EBF3: variants seen among roughly 807,000 people sequenced by gnomAD.
EBF3 encodes EBF transcription factor 3.
In EBF3, 18 loss-of-function variants were observed where a neutral mutation model predicts 77.1. That is an observed-to-expected ratio of 0.23 (90% CI 0.16 to 0.35). The LOEUF is 0.35. Ranked by LOEUF, EBF3 falls within the 10% of genes least tolerant of loss-of-function variation. The pLI is 1.00. For synonymous variants in EBF3, 350 were observed against 343.5 expected (o/e 1.02, Z -0.21); for missense variants, 558 against 860.0 (o/e 0.65, Z 4.39).
intron 6 of EBF3, among the ~76,000 whole-genome samples, chr10:129,884,049 G>C (rs1324088246): frequency 6.6e-6 from 1 of 152,182 alleles, no homozygotes; most frequent in Admixed American, 6.5e-5. Context: ...AAATAGTTAA[G>C]AGTCAAATTA....
At position 129,955,212 on chromosome 10, in the gene EBF3, T is replaced by G. The variant is rs1858950304; in HGVS notation, c.554+2046A>C. ...AAGAATGCTAAAAATGTACATTGTA[T>G]TTGTCATTTCATAAAACTACCCTCA... On this transcript the variant is annotated intron_variant, in intron 6 of 16. Transcript: ENST00000440978. 2.0e-5 allele frequency among the ~76,000 whole-genome samples: 3 copies of G among 152,218 alleles called. No homozygotes were observed. In the South Asian group the frequency reaches 6.2e-4, roughly 31 times the overall value.
chr10:129,861,535 G>C lies in EBF3; in HGVS notation c.1039+5606C>G, dbSNP rs890150303. On this transcript the variant is annotated intron_variant, in intron 10 of 16. Transcript: ENST00000440978. The surrounding 1 kb of genome is among the most constrained non-coding windows in gnomAD (Gnocchi z 4.3). ...ATAGAAAAGCAAAGGTGCCTGGAGG[G>C]TGTCTATTCTTGGGGGGTTCACTGG... is the stretch of plus-strand genomic sequence containing the variant. 2.7e-5 allele frequency among the ~76,000 whole-genome samples: 4 copies of C among 149,514 alleles called. No homozygotes were observed. Among genetic ancestry groups the C allele is most frequent in the African/African-American group, 9.8e-5 (4 of 40,756 alleles).
chr10:129,953,878 G>A (rs968542408), intron 6 of EBF3, among the ~76,000 whole-genome samples: 1 of 152,234 alleles, frequency 6.6e-6, no homozygotes, highest in African/African-American at 2.4e-5. Context: ...TGTTGGCTTA[G>A]CAGCTACACC....
chr10:129,868,017 C>T lies in EBF3; in HGVS notation c.782-105G>A, dbSNP rs746192821. 2.5e-5 allele frequency: 38 copies of T among 1,495,618 alleles called. No individual in the cohort carries two copies. The East Asian group carries it at 5.8e-4, about 23-fold the overall frequency. The allele number at this position is 1,495,618 out of a possible 1,614,324, so 92.6% of individuals were successfully genotyped here. ...CGCGGCCACCGCGGGAGGAGAGGCGCGCCGTTCCTCCAGGCGGCACGCAAA... is the reference window on the plus strand; with the variant it reads ...CGCGGCCACCGCGGGAGGAGAGGCGTGCCGTTCCTCCAGGCGGCACGCAAA... On this transcript the variant is annotated intron_variant, in intron 8 of 16. Coordinates refer to ENST00000440978, the MANE Select transcript of EBF3 (RefSeq NM_001375380.1).
At chr10:129,840,571 G>T in intron 14 of EBF3, 129 bp from the exon 15 acceptor site, 1 of 1,097,534 alleles carries the variant, frequency 9.1e-7, no homozygotes, top group Non-Finnish European at 1.3e-6. Context: ...GTCTGGCTCG[G>T]CCACGCTCTG....
intron 6 of EBF3, among the ~76,000 whole-genome samples, chr10:129,925,085 CGTGTGT>C (rs34706080): frequency 0.16 from 24,273 of 151,248 alleles, 3,130 homozygotes; most frequent in African/African-American, 0.36. Context: ...TGTGTGCACG[CGTGTGT>C]GTGTGTGTGT....
intron 6 of EBF3, among the ~76,000 whole-genome samples, chr10:129,900,871 G>T (rs1471788194): frequency 6.6e-6 from 1 of 152,226 alleles, no homozygotes; most frequent in Non-Finnish European, 1.5e-5. Flanking sequence ...CTGAGTTCAT[G>T]AAGGTCCCAG....
rs533093493 is a variant in EBF3, at chr10:129,885,063, C to T, written c.555-7214G>A. Among the ~76,000 whole-genome samples the T allele has an allele frequency of 1.3e-5, 2 of 152,280 alleles. No homozygotes were observed. The highest frequency in any genetic ancestry group is 4.8e-5 in the African/African-American group (2 of 41,560). On this transcript the variant is annotated intron_variant, in intron 6 of 16. Transcript: ENST00000440978. The surrounding 1 kb of genome is among the most constrained non-coding windows in gnomAD (Gnocchi z 4.0). ...AGCCTAGAGCCACACTAGGCCCCAC[C>T]GTCCCTCCAAAGAGCCTTATCGCTA...
At chr10:129,837,984 G>C in intron 16 of EBF3, 24 bp from the exon 17 acceptor site, 1 of 1,613,934 alleles carries the variant, frequency 6.2e-7, no homozygotes, top group Non-Finnish European at 8.5e-7. Flanking sequence ...GGACAGAGCA[G>C]TTACTGCAGG....
chr10:129,959,117 G>T (rs1397011659), intron 4 of EBF3, 110 bp from the exon 5 acceptor site: 6 of 1,340,292 alleles, frequency 4.5e-6, no homozygotes, highest in Non-Finnish European at 6.2e-6. Flanking sequence ...ACGCTCGAGG[G>T]GAGGCGATGC....
chr10:129,842,255 C>G lies in EBF3; in HGVS notation c.1233G>C (p.Ala411=), dbSNP rs773075779. 1 of 1,610,994 alleles carries G rather than the reference C, an allele frequency of 6.2e-7. No homozygotes were observed. The highest frequency in any genetic ancestry group is 8.5e-7 in the Non-Finnish European group (1 of 1,178,448). Residue 411 remains alanine (A), a synonymous_variant, in exon 13 of 17, where the codon GCG becomes GCC. Transcript: ENST00000440978. This position sits in a 1 kb window ranked among gnomAD's most constrained non-coding sequence, Gnocchi z 4.4. ...TGTGATTGCGGGGAACGCTGTACAG[C>G]GCCTCGGCGATGTCCGCCGCTCGCT... ...ILKRAADIAE[A]LYSVPRNHNQ...
In EBF3 at chr10:129,865,194, AC is replaced by A. The variant is rs369565077; in HGVS notation, c.1039+1946del. Among the ~76,000 whole-genome samples, 80 of 151,506 alleles carry A rather than the reference AC, an allele frequency of 5.3e-4. 3 individuals are homozygous for A. The highest frequency in any genetic ancestry group is 1.8e-3 in the African/African-American group (74 of 41,282). ...ACACACCGGCAAGGTGCCAGAAAGG[AC>A]CCCCCAGCCCACGGTGGGATTCTGA... On this transcript the variant is annotated intron_variant, in intron 10 of 16. Coordinates refer to ENST00000440978, the MANE Select transcript of EBF3 (RefSeq NM_001375380.1).
chr10:129,953,658 T>A (rs1468796674), intron 6 of EBF3, among the ~76,000 whole-genome samples: 1 of 152,214 alleles, frequency 6.6e-6, no homozygotes, highest in Non-Finnish European at 1.5e-5. Context: ...CCCCTGCGTG[T>A]GCCCGGCCTG....
chr10:129,948,660 T>G (rs965001237), intron 6 of EBF3, among the ~76,000 whole-genome samples: 10 of 152,172 alleles, frequency 6.6e-5, no homozygotes, highest in African/African-American at 2.4e-4. Context: ...GGGAACTCAG[T>G]ACTCTCTGGT....
rs185876340 is a variant in EBF3, at chr10:129,847,300, A to G, written c.1128+1092T>C. 3.2e-3 allele frequency among the ~76,000 whole-genome samples: 488 copies of G among 152,256 alleles called. 2 individuals carry two copies. Among genetic ancestry groups the G allele is most frequent in the African/African-American group, 0.01 (423 of 41,564 alleles). ...ATCCTGCACACAAAGCCAGCCCTAG[A>G]TGGAGGCTGGCAGCAAAGCCCTCTG... is the stretch of plus-strand genomic sequence containing the variant. On this transcript the variant is annotated intron_variant, in intron 11 of 16. Coordinates refer to ENST00000440978, the MANE Select transcript of EBF3 (RefSeq NM_001375380.1).
At chr10:129,839,639 C>T (rs550056848) in intron 15 of EBF3, among the ~76,000 whole-genome samples, 29 of 152,344 alleles carry the variant, frequency 1.9e-4, no homozygotes, top group African/African-American at 6.5e-4. Flanking sequence ...TGGGTCTAGA[C>T]GCACACCTCT....
At chr10:129,922,842 G>T (rs918425404) in intron 6 of EBF3, among the ~76,000 whole-genome samples, 1 of 152,216 alleles carries the variant, frequency 6.6e-6, no homozygotes, top group Non-Finnish European at 1.5e-5. Context: ...AAGGAAGGTG[G>T]TTGGGGCTCC....
chr10:129,839,909 G>A (rs1433168317), intron 15 of EBF3, among the ~76,000 whole-genome samples: 6 of 152,360 alleles, frequency 3.9e-5, no homozygotes, highest in East Asian at 1.9e-4. Context: ...GAATCAGACC[G>A]ACAGTGACCA....
chr10:129,949,669 C>G (rs1325771211), intron 6 of EBF3, among the ~76,000 whole-genome samples: 3 of 152,144 alleles, frequency 2.0e-5, no homozygotes, highest in Admixed American at 1.3e-4. Flanking sequence ...ATGGCCCCAG[C>G]CCAGGCACAG....
Sources: gnomAD v4.1 joint callset for allele counts (sites outside exome capture counted in the v4.1 genomes callset) on GRCh38, gnomAD v4.1.1 for gene constraint, Gnocchi (gnomAD v3.1) non-coding constraint, MANE v1.5 for transcripts, NCBI Gene and HGNC (gene_info 2026-07-23, HGNC 2026-07-21) for gene names.